TAF7L: variants seen among roughly 807,000 people sequenced by gnomAD.
The protein encoded by TAF7L is transcription initiation factor TFIID subunit 7-like.
A neutral mutation model predicts 30.2 loss-of-function variants in TAF7L; 6 were observed. The ratio of observed to expected loss-of-function variants is 0.20; its 90% CI spans 0.11 to 0.39. TAF7L has a LOEUF of 0.39. Ranked by LOEUF, TAF7L falls within the 10% of genes least tolerant of loss-of-function variation. The pLI is 1.00. For synonymous variants in TAF7L, 93 were observed against 94.5 expected (o/e 0.98, Z 0.09); for missense variants, 284 against 277.1 (o/e 1.03, Z -0.18).
At chrX:101,277,581 T>C in intron 9 of TAF7L, 25 bp downstream of exon 9, 3 of 1,007,939 alleles carry the variant, frequency 3.0e-6, no homozygotes, top group Non-Finnish European at 4.0e-6. Flanking sequence ...TATCTGAAAC[T>C]CCTGCTTTGC....
At chrX:101,286,116 G>A (rs1326526015) in intron 3 of TAF7L, among the ~76,000 whole-genome samples, 4 of 108,076 alleles carry the variant, frequency 3.7e-5, no homozygotes, top group Non-Finnish European at 5.7e-5. Flanking sequence ...AGGAGGTAGA[G>A]GTTGCAGTGA....
At chrX:101,278,528 C>T (rs1334775704) in intron 7 of TAF7L, among the ~76,000 whole-genome samples, 1 of 111,762 alleles carries the variant, frequency 8.9e-6, no homozygotes, top group Non-Finnish European at 1.9e-5. Context: ...TTCACTTCCC[C>T]ACATCTTTAT....
At chrX:101,287,748 A>C in intron 1 of TAF7L, 2 of 323,509 alleles carry the variant, frequency 6.2e-6, no homozygotes, top group East Asian at 9.7e-5. Flanking sequence ...CTCCTCTCCA[A>C]TATGTGTAGA....
intron 4 of TAF7L, 59 bp from the exon 5 acceptor site, chrX:101,282,512 T>C: frequency 9.6e-6 from 11 of 1,148,980 alleles, no homozygotes; most frequent in Non-Finnish European, 1.3e-5. Context: ...TTAGCAATCA[T>C]AATCATTCTT....
chrX:101,283,590 A>G lies in TAF7L; in HGVS notation c.146-7T>C. 8.3e-7 allele frequency: 1 copy of G among 1,209,129 alleles called. No homozygotes were observed. The highest frequency in any genetic ancestry group is 1.1e-6 in the Non-Finnish European group (1 of 894,590). Reference sequence around the variant, plus strand: ...ACTGCATGGCGCCCATCAGCTGAAGAGAAGTAAAGATTAAAGTTGATATCT... The same window carrying G: ...ACTGCATGGCGCCCATCAGCTGAAGGGAAGTAAAGATTAAAGTTGATATCT... On this transcript the variant is annotated splice_polypyrimidine_tract_variant and splice_region_variant and intron_variant, in intron 3 of 12. Coordinates refer to ENST00000356784, the MANE Select transcript of TAF7L (RefSeq NM_001168474.2).
chrX:101,269,228 G>C lies in TAF7L; in HGVS notation c.1096C>G (p.Leu366Val). The change falls in exon 13 of 13, where the codon CTA becomes GTA. Residue 366 changes from leucine to valine, a missense_variant. Transcript: ENST00000356784. ...EKQKNEKLISLQEQLQRFLKK is the reference protein window; with the variant it reads ...EKQKNEKLISVQEQLQRFLKK ...AGAAAACGCTGCAACTGTTCCTGTA[G>C]GGAAATGAGCTGTAGGGAGAGGTAG... 1.5e-5 allele frequency: 18 copies of C among 1,207,822 alleles called. No homozygotes were observed. The highest frequency in any genetic ancestry group is 1.9e-5 in the Non-Finnish European group (17 of 892,933).
At chrX:101,282,537 ACAG>A in intron 4 of TAF7L, 84 bp from the exon 5 acceptor site, 1 of 1,012,722 alleles carries the variant, frequency 9.9e-7, no homozygotes, top group Non-Finnish European at 1.4e-6. Context: ...CTAGAAATGC[ACAG>A]AAGAGACTGA....
Position 101,268,429 on chromosome X carries a change from G to C in TAF7L, c.*764C>G, listed in dbSNP as rs903599209. On this transcript the variant is annotated 3_prime_UTR_variant, in exon 13 of 13. Transcript: ENST00000356784. ...TTAGGAGGAGAAGGCTCAGAATAAG[G>C]ATAACAGTTCATAATTTCTTCATCT... The C allele has an allele frequency of 8.9e-6, 1 of 111,828 alleles. No homozygotes were observed. The highest frequency in any genetic ancestry group is 3.3e-5 in the African/African-American group (1 of 30,730). 9.2% of individuals were successfully genotyped at this position (111,828 alleles called of 1,213,427 possible).
upstream of TAF7L, among the ~76,000 whole-genome samples, chrX:101,292,231 T>C (rs1924837641): frequency 4.5e-5 from 3 of 66,761 alleles, no homozygotes; most frequent in African/African-American, 1.4e-4. Flanking sequence ...AGAGCGAGAC[T>C]CCGTCTCAAA....
chrX:101,279,969 A>C (rs1471661930), intron 6 of TAF7L, among the ~76,000 whole-genome samples: 1 of 107,664 alleles, frequency 9.3e-6, no homozygotes, highest in East Asian at 2.9e-4. Context: ...CAACAACAAC[A>C]AAAAAAAAAC....
chrX:101,282,358 C>T lies in TAF7L; in HGVS notation c.375G>A (p.Gly125=), dbSNP rs141209944. ...DPNIVRKKER[G]REEKCVWKHG... is the part of the protein sequence containing the mutation. ...GCTTCCAGACACATTTTTCTTCTCT[C>T]CCCCTTTCTTTTTTCCTGACTATAT... Residue 125 remains glycine (G), a synonymous_variant, in exon 5 of 13, where the codon GGG becomes GGA. Transcript: ENST00000356784. The T allele has an allele frequency of 1.2e-3, 1,455 of 1,209,352 alleles. 9 individuals carry two copies. In the African/African-American group the frequency reaches 0.023, roughly 19 times the overall value.
intron 12 of TAF7L, 34 bp downstream of exon 12, chrX:101,275,188 T>C: frequency 9.6e-7 from 1 of 1,039,838 alleles, no homozygotes; most frequent in South Asian, 2.0e-5. Flanking sequence ...CTGTATCAAA[T>C]GTTTTCTGGT....
chrX:101,287,747 A>C lies in TAF7L; in HGVS notation c.-2-202T>G, dbSNP rs1006602881. 29 of 330,467 alleles carry C rather than the reference A, an allele frequency of 8.8e-5. 1 individual carries two copies. Among genetic ancestry groups the C allele is most frequent in the Non-Finnish European group, 1.4e-4 (26 of 186,749 alleles). The allele number at this position is 330,467 out of a possible 1,213,427, so 27.2% of individuals were successfully genotyped here. ...CTAGACGTTACCTTAGCTCCTCTCC[A>C]ATATGTGTAGATTTTCCAAAGTCAA... On this transcript the variant is annotated intron_variant, in intron 1 of 12. Transcript: ENST00000356784.
In TAF7L at chrX:101,269,244, G is replaced by A; in HGVS notation, c.1087-7C>T. Reference sequence around the variant, plus strand: ...GTTCCTGTAGGGAAATGAGCTGTAGGGAGAGGTAGAAAGACATGAAAAATT... The same window carrying A: ...GTTCCTGTAGGGAAATGAGCTGTAGAGAGAGGTAGAAAGACATGAAAAATT... On this transcript the variant is annotated splice_region_variant and splice_polypyrimidine_tract_variant and intron_variant, in intron 12 of 12. Coordinates refer to ENST00000356784, the MANE Select transcript of TAF7L (RefSeq NM_001168474.2). The A allele has an allele frequency of 8.3e-7, 1 of 1,200,475 alleles. No individual in the cohort carries two copies. The highest frequency in any genetic ancestry group is 1.1e-6 in the Non-Finnish European group (1 of 888,039).
At chrX:101,276,652 C>A (rs1924197323) in intron 9 of TAF7L, 124 bp from the exon 10 acceptor site, 1 of 733,541 alleles carries the variant, frequency 1.4e-6, no homozygotes, top group African/African-American at 2.1e-5. Flanking sequence ...ATCATTTTTT[C>A]ATGCAGGAAG....
chrX:101,276,315 C>T lies in TAF7L; in HGVS notation c.905G>A (p.Ser302Asn), dbSNP rs920740337. 4 of 1,211,256 alleles carry T rather than the reference C, an allele frequency of 3.3e-6. No individual in the cohort carries two copies. Among genetic ancestry groups the T allele is most frequent in the Non-Finnish European group, 4.5e-6 (4 of 895,322 alleles). The change falls in exon 10 of 13, where the codon AGT (serine) becomes AAT (asparagine). Residue 302 changes from serine (S) to asparagine (N), a missense_variant. Physicochemically the swap from Ser to Asn is conservative, Grantham distance 46. Coordinates refer to ENST00000356784, the MANE Select transcript of TAF7L (RefSeq NM_001168474.2). Reference sequence around the variant, plus strand: ...TGTTTTTTCTGACTTACCTATTGAACTGGTACCTTCATTTGCCCTATACTG... The same window carrying T: ...TGTTTTTTCTGACTTACCTATTGAATTGGTACCTTCATTTGCCCTATACTG... Reference protein sequence around the residue: ...SGQYRANEGTSSIVMEIQKQI... With the variant: ...SGQYRANEGTNSIVMEIQKQI...
upstream of TAF7L, among the ~76,000 whole-genome samples, chrX:101,292,238 C>CA (rs776702288): frequency 0.41 from 18,551 of 44,835 alleles, 2,874 homozygotes; most frequent in African/African-American, 0.56. Context: ...GACTCCGTCT[C>CA]AAAAAAAAAA....
intron 1 of TAF7L, among the ~76,000 whole-genome samples, chrX:101,288,455 C>CTTTT (rs58220003): frequency 3.6e-4 from 34 of 94,146 alleles, no homozygotes; most frequent in African/African-American, 8.6e-4. Context: ...GAATCCAGTT[C>CTTTT]TTTTTTTTTT....
intron 9 of TAF7L, among the ~76,000 whole-genome samples, chrX:101,277,313 A>G (rs911307295): frequency 3.0e-5 from 3 of 100,900 alleles, no homozygotes; most frequent in Admixed American, 2.2e-4. Flanking sequence ...TTAGCTGGGC[A>G]TGGTGGTGAA....
Sources: gnomAD v4.1 joint callset for allele counts (sites outside exome capture counted in the v4.1 genomes callset) on GRCh38, gnomAD v4.1.1 for gene constraint, MANE v1.5 for transcripts, NCBI Gene and HGNC (gene_info 2026-07-23, HGNC 2026-07-21) for gene names.